ZNF560: variants seen among roughly 807,000 people sequenced by gnomAD.
ZNF560 encodes the protein zinc finger protein 560.
ZNF560 carries 54 observed loss-of-function variants against 81.8 expected under a neutral mutation model. The ratio of observed to expected loss-of-function variants is 0.66; its 90% CI spans 0.53 to 0.83. ZNF560 has a LOEUF of 0.83. Ranked by LOEUF, ZNF560 falls within the 40% of genes least tolerant of loss-of-function variation. The pLI is 0.00. For synonymous variants in ZNF560, 321 were observed against 317.9 expected (o/e 1.01, Z -0.10); for missense variants, 940 against 932.4 (o/e 1.01, Z -0.11).
chr19:9,495,009 T>C (rs2073535105), intron 2 of ZNF560, among the ~76,000 whole-genome samples: 1 of 152,134 alleles, frequency 6.6e-6, no homozygotes, highest in South Asian at 2.1e-4. Flanking sequence ...CAACAAGTCC[T>C]ATAACTGCAA....
chr19:9,453,888 A>T, the ZNF560 span, among the ~76,000 whole-genome samples: 14 of 152,362 alleles, frequency 9.2e-5, no homozygotes, highest in South Asian at 1.0e-3. Flanking sequence ...GCAATGATAG[A>T]CTAAGAAAAG....
rs2073066201 is a variant in ZNF560 at position 9,468,304 on chromosome 19, CAT to C, written c.641_642del (p.Tyr214Ter). 3 of 1,601,862 alleles carry C rather than the reference CAT, an allele frequency of 1.9e-6. No individual in the cohort carries two copies. The highest frequency in any genetic ancestry group is 2.6e-6 in the Non-Finnish European group (3 of 1,175,658). On this transcript the variant is annotated frameshift_variant, in exon 10 of 10. Transcript: ENST00000301480. LOFTEE classifies it high-confidence loss of function. The part of the protein sequence containing the change: ...LARNQNGEEL[Y>X]DCKQCEDVFC... ...AAGACATCTTCACATTGCTTACAGT[CAT>C]AGAGTTCCTCTCCATTTTGGTTTCT...
chr19:9,499,706 T>C (rs900420161), upstream of ZNF560, among the ~76,000 whole-genome samples: 1 of 152,250 alleles, frequency 6.6e-6, no homozygotes, highest in Non-Finnish European at 1.5e-5. Context: ...TTTATAATAC[T>C]GAGTCTTCCT....
intron 2 of ZNF560, among the ~76,000 whole-genome samples, chr19:9,494,146 A>AG (rs1271507335): frequency 6.6e-6 from 1 of 151,738 alleles, no homozygotes; most frequent in Non-Finnish European, 1.5e-5. Flanking sequence ...AAAAAAAAAA[A>AG]AAAGAAATTA....
the ZNF560 span, among the ~76,000 whole-genome samples, chr19:9,455,948 C>T: frequency 1.3e-5 from 2 of 152,144 alleles, no homozygotes; most frequent in Non-Finnish European, 2.9e-5. Flanking sequence ...GGTCCAACTA[C>T]CCATTGATGG....
intron 2 of ZNF560, among the ~76,000 whole-genome samples, chr19:9,482,847 T>C (rs1411751030): frequency 6.6e-6 from 1 of 152,190 alleles, no homozygotes; most frequent in Non-Finnish European, 1.5e-5. Context: ...ATTTTTTTGG[T>C]GGAGACGGGG....
At chr19:9,475,489 A>C in intron 2 of ZNF560, 120 bp from the exon 3 acceptor site, 1 of 607,262 alleles carries the variant, frequency 1.6e-6, no homozygotes, top group Non-Finnish European at 2.9e-6. Flanking sequence ...TCACATAAAT[A>C]TACATTACAT....
the ZNF560 span, among the ~76,000 whole-genome samples, chr19:9,506,064 C>T: frequency 6.6e-6 from 1 of 152,206 alleles, no homozygotes; most frequent in East Asian, 1.9e-4. Context: ...GTGATCTCAG[C>T]TCACTGCAAC....
intron 2 of ZNF560, among the ~76,000 whole-genome samples, chr19:9,485,602 A>G (rs74178151): frequency 5.7e-4 from 86 of 150,898 alleles, no homozygotes; most frequent in South Asian, 5.7e-3. Flanking sequence ...CTGGAGTGCA[A>G]TGGTGTGATC....
the ZNF560 span, among the ~76,000 whole-genome samples, chr19:9,504,186 C>A: frequency 1.3e-5 from 2 of 152,152 alleles, no homozygotes. Context: ...GTAATCCCAG[C>A]ATTTTGGGAG....
intron 3 of ZNF560, among the ~76,000 whole-genome samples, chr19:9,474,823 ATT>A (rs35450965): frequency 6.0e-3 from 516 of 85,692 alleles, no homozygotes; most frequent in African/African-American, 0.022. Flanking sequence ...CATGCCTGGC[ATT>A]TTTTTTTTTT....
chr19:9,468,892 G>A (rs8109487), intron 9 of ZNF560, among the ~76,000 whole-genome samples: 7,336 of 152,046 alleles, frequency 0.048, 609 homozygotes, highest in African/African-American at 0.17. Context: ...ACTATGCCCA[G>A]CTAATTTTTG....
downstream of ZNF560, among the ~76,000 whole-genome samples, chr19:9,465,400 A>G (rs996788168): frequency 1.3e-5 from 2 of 152,164 alleles, no homozygotes; most frequent in African/African-American, 4.8e-5. Flanking sequence ...AGCCTTCCAA[A>G]GTGCTGAGAT....
chr19:9,474,096 G>T, intron 4 of ZNF560, 103 bp downstream of exon 4: 1 of 1,338,130 alleles, frequency 7.5e-7, no homozygotes, highest in Non-Finnish European at 1.1e-6. Flanking sequence ...CAGGGACAAC[G>T]TCTCTGGTGA....
chr19:9,460,360 G>A, the ZNF560 span, among the ~76,000 whole-genome samples: 3 of 152,184 alleles, frequency 2.0e-5, no homozygotes, highest in South Asian at 4.1e-4. Context: ...TTATGACAGC[G>A]GTGATCACCA....
chr19:9,468,697 C>G (rs1470220559), intron 9 of ZNF560, among the ~76,000 whole-genome samples: 1 of 150,624 alleles, frequency 6.6e-6, no homozygotes, highest in Non-Finnish European at 1.5e-5. Flanking sequence ...TGCCACTTCT[C>G]TCAAATATCT....
chr19:9,474,305 A>G lies in ZNF560; in HGVS notation c.51T>C (p.Asp17=), dbSNP rs1387288627. 2 of 1,613,816 alleles carry G rather than the reference A, an allele frequency of 1.2e-6. No individual in the cohort carries two copies. The highest frequency in any genetic ancestry group is 2.2e-5 in the South Asian group (2 of 91,040). ...NCYQYSVTFE[D]TAVDFTQEEW... ...CCTCCTGGGTGAAGTCCACAGCTGT[A>G]TCCTCAAAGGTCACGGAGTACTAAA... The change falls in exon 4 of 10, where the codon GAT becomes GAC. Residue 17 remains aspartate, a synonymous_variant. Coordinates refer to ENST00000301480, the MANE Select transcript of ZNF560 (RefSeq NM_152476.3).
rs1568469790 is a variant in ZNF560, at chr19:9,498,572, A to G, written c.-179T>C. ...GAACGACCAGACAACACAAAGGAAA[A>G]AGTGGCTCTGAGGAAACAGGCGCCA... is the stretch of plus-strand genomic sequence containing the variant. On this transcript the variant is annotated 5_prime_UTR_variant, in exon 1 of 10. Transcript: ENST00000301480. 1 of 152,292 alleles carries G rather than the reference A, an allele frequency of 6.6e-6. No homozygotes were observed. The highest frequency in any genetic ancestry group is 2.4e-5 in the African/African-American group (1 of 41,446). 9.4% of individuals were successfully genotyped at this position (152,292 alleles called of 1,614,324 possible). A position where few individuals can be genotyped will look rare whatever the true frequency, so the allele number is the denominator to read the frequency against.
the ZNF560 span, among the ~76,000 whole-genome samples, chr19:9,459,269 C>G: frequency 2.6e-5 from 4 of 152,286 alleles, no homozygotes; most frequent in Non-Finnish European, 4.4e-5. Context: ...ATTTTTTGAG[C>G]CTGCCTAAAG....
Sources: gnomAD v4.1 joint callset for allele counts (sites outside exome capture counted in the v4.1 genomes callset) on GRCh38, gnomAD v4.1.1 for gene constraint, MANE v1.5 for transcripts, NCBI Gene and HGNC (gene_info 2026-07-23, HGNC 2026-07-21) for gene names.